Variants in PLPP6 observed in about 807,000 individuals in gnomAD.
The protein encoded by PLPP6 is phospholipid phosphatase 6, also known as polyisoprenoid diphosphate/phosphate phosphohydrolase PLPP6.
Under a neutral mutation model 16.5 loss-of-function variants are expected in PLPP6, and 16 were observed. The observed-to-expected ratio is 0.97, with a 90% CI of 0.66 to 1.47. The LOEUF is 1.47. Ranked by LOEUF, PLPP6 falls within the 40% of genes most tolerant of loss-of-function variation. The probability of loss-of-function intolerance (pLI) is 0.00; values close to 1 mark genes in which losing one functional copy is unlikely to be tolerated. For missense variants in PLPP6, 512 were observed against 396.6 expected, an observed-to-expected ratio of 1.29 and a Z score of -2.47; for synonymous variants, 226 against 188.1, an observed-to-expected ratio of 1.20 and a Z score of -1.65.
rs777546834 is a variant in PLPP6 at position 4,662,344 on chromosome 9, G to T, written c.-32G>T. On this transcript the variant is annotated 5_prime_UTR_variant, in exon 1 of 1. Transcript: ENST00000381883. This position sits in a 1 kb window ranked among gnomAD's most constrained non-coding sequence, Gnocchi z 4.9. ...GGCCGGGAAGCCTCTGTTTGGTCCG[G>T]CCAGGTCCCGGGATCCGGGCCGCCA... is the stretch of plus-strand genomic sequence containing the variant. 9.5e-6 allele frequency: 14 copies of T among 1,477,686 alleles called. No homozygotes were observed. In the African/African-American group the frequency reaches 1.8e-4, roughly 19 times the overall value. 91.5% of individuals were successfully genotyped at this position (1,477,686 alleles called of 1,614,324 possible). A position where few individuals can be genotyped will look rare whatever the true frequency, so the allele number is the denominator to read the frequency against.
rs988615163 is a variant in PLPP6 at position 4,663,346 on chromosome 9, T to C, written c.*83T>C. ...CAACCTAAACCAGCAGCCATCCCGC[T>C]TGTCCCTCTTAGGCATTTCAGGCTT... On this transcript the variant is annotated 3_prime_UTR_variant, in exon 1 of 1. Transcript: ENST00000381883. 5 of 1,421,792 alleles carry C rather than the reference T, an allele frequency of 3.5e-6. No homozygotes were observed. The highest frequency in any genetic ancestry group is 4.9e-6 in the Non-Finnish European group (5 of 1,030,720). 88.1% of individuals were successfully genotyped at this position (1,421,792 alleles called of 1,614,324 possible).
In PLPP6 at chr9:4,663,987, C is replaced by G. The variant is rs1056762572; in HGVS notation, c.*724C>G. The G allele has an allele frequency of 6.0e-6, 1 of 167,070 alleles. No homozygotes were observed. Among genetic ancestry groups the G allele is most frequent in the Non-Finnish European group, 1.5e-5 (1 of 68,116 alleles). The allele number at this position is 167,070 out of a possible 1,614,324, so 10.3% of individuals were successfully genotyped here. On this transcript the variant is annotated 3_prime_UTR_variant, in exon 1 of 1. Coordinates refer to ENST00000381883, the MANE Select transcript of PLPP6 (RefSeq NM_203453.5). ...CCACTACTCCCTTACTGTCTTTTAG[C>G]ATTCAGAGAAAAAGCCAACTTGCTT... is the stretch of plus-strand genomic sequence containing the variant.
chr9:4,664,507 G>A lies in PLPP6; in HGVS notation c.*1244G>A, dbSNP rs1441899462. 6.0e-6 allele frequency: 1 copy of A among 167,092 alleles called. No homozygotes were observed. Among genetic ancestry groups the A allele is most frequent in the East Asian group, 1.9e-4 (1 of 5,192 alleles). The allele number at this position is 167,092 out of a possible 1,614,324, so 10.4% of individuals were successfully genotyped here. ...TTTACATTTAAAGCTGTTCATCCATGGTGCCTCCCCAAATCATAAGACCAA... is the reference window on the plus strand; with the variant it reads ...TTTACATTTAAAGCTGTTCATCCATAGTGCCTCCCCAAATCATAAGACCAA... On this transcript the variant is annotated 3_prime_UTR_variant, in exon 1 of 1. Coordinates refer to ENST00000381883, the MANE Select transcript of PLPP6 (RefSeq NM_203453.5).
Position 4,664,810 on chromosome 9 carries a change from A to G in PLPP6, c.*1547A>G, listed in dbSNP as rs1587591444. 6.0e-6 allele frequency: 1 copy of G among 167,250 alleles called. No homozygotes were observed. The highest frequency in any genetic ancestry group is 3.4e-3 in the Middle Eastern group (1 of 296). The allele number at this position is 167,250 out of a possible 1,614,324, so 10.4% of individuals were successfully genotyped here. Reference sequence around the variant, plus strand: ...TGAGCTTGTTCAGAGTGAGGGGCATAGTGAAAAAGGAACAGCCATGCCTCA... The same window carrying G: ...TGAGCTTGTTCAGAGTGAGGGGCATGGTGAAAAAGGAACAGCCATGCCTCA... On this transcript the variant is annotated 3_prime_UTR_variant, in exon 1 of 1. Transcript: ENST00000381883.
rs751215578 is a variant in PLPP6 at position 4,663,270 on chromosome 9, C to G, written c.*7C>G. 6.2e-6 allele frequency: 10 copies of G among 1,608,390 alleles called. No homozygotes were observed. The highest frequency in any genetic ancestry group is 2.7e-5 in the African/African-American group (2 of 74,794). ...ACTGTGGAGTCAACGATGACACCAT[C>G]TCATTGATTATGGCACCAGGAAGTC... On this transcript the variant is annotated 3_prime_UTR_variant, in exon 1 of 1. Transcript: ENST00000381883.
Position 4,663,339 on chromosome 9 carries a change from A to G in PLPP6, c.*76A>G. Reference sequence around the variant, plus strand: ...ATGATGTCAACCTAAACCAGCAGCCATCCCGCTTGTCCCTCTTAGGCATTT... The same window carrying G: ...ATGATGTCAACCTAAACCAGCAGCCGTCCCGCTTGTCCCTCTTAGGCATTT... On this transcript the variant is annotated 3_prime_UTR_variant, in exon 1 of 1. Transcript: ENST00000381883. 6.8e-7 allele frequency: 1 copy of G among 1,464,342 alleles called. No homozygotes were observed. The highest frequency in any genetic ancestry group is 9.4e-7 in the Non-Finnish European group (1 of 1,066,816). The allele number at this position is 1,464,342 out of a possible 1,614,324, so 90.7% of individuals were successfully genotyped here.
In PLPP6 at chr9:4,663,358, G is replaced by A; in HGVS notation, c.*95G>A. The A allele has an allele frequency of 7.8e-7, 1 of 1,289,926 alleles. No individual in the cohort carries two copies. The highest frequency in any genetic ancestry group is 1.1e-6 in the Non-Finnish European group (1 of 919,324). The allele number at this position is 1,289,926 out of a possible 1,614,324, so 79.9% of individuals were successfully genotyped here. A position where few individuals can be genotyped will look rare whatever the true frequency, so the allele number is the denominator to read the frequency against. ...GCAGCCATCCCGCTTGTCCCTCTTA[G>A]GCATTTCAGGCTTCCTTTGGGATTT... On this transcript the variant is annotated 3_prime_UTR_variant, in exon 1 of 1. Transcript: ENST00000381883.
At position 4,662,513 on chromosome 9, in the gene PLPP6, C is replaced by T; in HGVS notation, c.138C>T (p.Ser46=). Residue 46 remains serine (S), a synonymous_variant, in exon 1 of 1, where the codon AGC becomes AGT. Coordinates refer to ENST00000381883, the MANE Select transcript of PLPP6 (RefSeq NM_203453.5). The surrounding 1 kb of genome is among the most constrained non-coding windows in gnomAD (Gnocchi z 4.9). Reference sequence around the variant, plus strand: ...TTGAGTTCCAGTCCCTGCTCAGCAGCCGCGCCACGGCCGTGGACCCCACCT... The same window carrying T: ...TTGAGTTCCAGTCCCTGCTCAGCAGTCGCGCCACGGCCGTGGACCCCACCT... ...SRFEFQSLLS[S]RATAVDPTCA... The T allele has an allele frequency of 6.4e-7, 1 of 1,560,322 alleles. No homozygotes were observed. Among genetic ancestry groups the T allele is most frequent in the East Asian group, 2.3e-5 (1 of 43,374 alleles).
rs769784405 is a variant in PLPP6 at position 4,662,360 on chromosome 9, C to T, written c.-16C>T. ...TTTGGTCCGGCCAGGTCCCGGGATC[C>T]GGGCCGCCAGCTGCGATGCCAAGTC... On this transcript the variant is annotated 5_prime_UTR_variant, in exon 1 of 1. Transcript: ENST00000381883. This position sits in a 1 kb window ranked among gnomAD's most constrained non-coding sequence, Gnocchi z 4.9. 2 of 1,490,862 alleles carry T rather than the reference C, an allele frequency of 1.3e-6. No homozygotes were observed. Among genetic ancestry groups the T allele is most frequent in the South Asian group, 1.3e-5 (1 of 76,426 alleles). The allele number at this position is 1,490,862 out of a possible 1,614,324, so 92.4% of individuals were successfully genotyped here.
chr9:4,662,854 G>A lies in PLPP6; in HGVS notation c.479G>A (p.Trp160Ter), dbSNP rs1428161092. 6.9e-6 allele frequency: 11 copies of A among 1,605,334 alleles called. No individual in the cohort carries two copies. Among genetic ancestry groups the A allele is most frequent in the Non-Finnish European group, 8.5e-6 (10 of 1,179,952 alleles). Residue 160 changes from tryptophan (W) to a stop codon, truncating the protein, a stop_gained, in exon 1 of 1, where the codon TGG becomes TAG. Coordinates refer to ENST00000381883, the MANE Select transcript of PLPP6 (RefSeq NM_203453.5). LOFTEE classifies it high-confidence loss of function. The surrounding 1 kb of genome is among the most constrained non-coding windows in gnomAD (Gnocchi z 4.9). ...TLYCLCRSDS[W>*]AGREVLMNLL... ...TACTGCCTGTGCAGGAGCGACAGCT[G>A]GGCCGGGCGCGAGGTGCTGATGAAC...
rs762053836 is a variant in PLPP6 at position 4,663,056 on chromosome 9, C to T, written c.681C>T (p.Asn227=). 7 of 1,613,988 alleles carry T rather than the reference C, an allele frequency of 4.3e-6. No homozygotes were observed. ...RAALMSRFIL[N]HLVLAIPLRV... Reference sequence around the variant, plus strand: ...CCCTGATGTCGAGGTTCATCCTGAACCACCTGGTGCTGGCCATTCCACTGA... The same window carrying T: ...CCCTGATGTCGAGGTTCATCCTGAATCACCTGGTGCTGGCCATTCCACTGA... Residue 227 remains asparagine (N), a synonymous_variant, in exon 1 of 1, where the codon AAC becomes AAT. Coordinates refer to ENST00000381883, the MANE Select transcript of PLPP6 (RefSeq NM_203453.5).
In PLPP6 at chr9:4,663,182, C is replaced by CA; in HGVS notation, c.808dup (p.Met270AsnfsTer15). ...TAGCTTTTGGCTTTTTTCTGGGCTA[C>CA]ATGCAGTACAGCATCGTGGACTATT... On this transcript the variant is annotated frameshift_variant, in exon 1 of 1. Coordinates refer to ENST00000381883, the MANE Select transcript of PLPP6 (RefSeq NM_203453.5). LOFTEE classifies it high-confidence loss of function. 6.2e-7 allele frequency: 1 copy of CA among 1,614,160 alleles called. No individual in the cohort carries two copies.
In PLPP6 at chr9:4,664,856, C is replaced by T. The variant is rs1166444415; in HGVS notation, c.*1593C>T. ...CCTCAAAATCAAATCATTTGCATTC[C>T]CACAGCATCCTGAATACCGACTACC... On this transcript the variant is annotated 3_prime_UTR_variant, in exon 1 of 1. Transcript: ENST00000381883. 1 of 167,082 alleles carries T rather than the reference C, an allele frequency of 6.0e-6. No individual in the cohort carries two copies. Among genetic ancestry groups the T allele is most frequent in the Non-Finnish European group, 1.5e-5 (1 of 68,120 alleles). 10.3% of individuals were successfully genotyped at this position (167,082 alleles called of 1,614,324 possible). A position where few individuals can be genotyped will look rare whatever the true frequency, so the allele number is the denominator to read the frequency against.
At position 4,662,739 on chromosome 9, in the gene PLPP6, G is replaced by A; in HGVS notation, c.364G>A (p.Gly122Arg). 1 of 1,603,320 alleles carries A rather than the reference G, an allele frequency of 6.2e-7. No homozygotes were observed. The highest frequency in any genetic ancestry group is 1.1e-5 in the South Asian group (1 of 91,084). The stretch of plus-strand genomic sequence containing the variant: ...GTCCAAGAAGCTGGGGGTGTGCGCG[G>A]GAGAGAGCTCGTCGTGGGGCAGCGT... The part of the protein sequence containing the change: ...WLSKKLGVCA[G>R]ESSSWGSVRP... The change falls in exon 1 of 1, where the codon GGA (glycine) becomes AGA (arginine). Residue 122 changes from glycine to arginine, a missense_variant. Physicochemically the swap from Gly to Arg is moderately radical, Grantham distance 125. Transcript: ENST00000381883. This position sits in a 1 kb window ranked among gnomAD's most constrained non-coding sequence, Gnocchi z 4.9.
At position 4,662,947 on chromosome 9, in the gene PLPP6, G is replaced by A. The variant is rs928009523; in HGVS notation, c.572G>A (p.Arg191His). 1.2e-6 allele frequency: 2 copies of A among 1,611,788 alleles called. No homozygotes were observed. The highest frequency in any genetic ancestry group is 1.7e-6 in the Non-Finnish European group (2 of 1,179,894). ...ALIKGLVRRR[R>H]PAHNQMDMFV... ...ATCAAAGGGCTGGTCCGCAGGCGCC[G>A]CCCGGCCCACAACCAGATGGACATG... The change falls in exon 1 of 1, where the codon CGC becomes CAC. Residue 191 changes from arginine to histidine, a missense_variant. By Grantham distance (29) the Arg-to-His change is conservative. Coordinates refer to ENST00000381883, the MANE Select transcript of PLPP6 (RefSeq NM_203453.5). The surrounding 1 kb of genome is among the most constrained non-coding windows in gnomAD (Gnocchi z 4.9).
Position 4,662,395 on chromosome 9 carries a change from G to C in PLPP6, c.20G>C (p.Ser7Thr). 6.5e-7 allele frequency: 1 copy of C among 1,534,348 alleles called. No homozygotes were observed. Among genetic ancestry groups the C allele is most frequent in the Non-Finnish European group, 8.7e-7 (1 of 1,148,078 alleles). The stretch of plus-strand genomic sequence containing the variant: ...GCTGCGATGCCAAGTCCCCGGAGGA[G>C]CATGGAGGGACGGCCGCTGGGCGTC... MPSPRR[S>T]MEGRPLGVSA... Residue 7 changes from serine (S) to threonine (T), a missense_variant, in exon 1 of 1, where the codon AGC (serine) becomes ACC (threonine). Physicochemically the swap from Ser to Thr is moderately conservative, Grantham distance 58. Coordinates refer to ENST00000381883, the MANE Select transcript of PLPP6 (RefSeq NM_203453.5). This position sits in a 1 kb window ranked among gnomAD's most constrained non-coding sequence, Gnocchi z 4.9.
At position 4,663,213 on chromosome 9, in the gene PLPP6, C is replaced by G. The variant is rs1840287337; in HGVS notation, c.838C>G (p.Leu280Val). The G allele has an allele frequency of 1.2e-6, 2 of 1,614,104 alleles. No individual in the cohort carries two copies. Among genetic ancestry groups the G allele is most frequent in the Non-Finnish European group, 1.7e-6 (2 of 1,180,022 alleles). Residue 280 changes from leucine (L) to valine (V), a missense_variant, in exon 1 of 1, where the codon CTC becomes GTC. Transcript: ENST00000381883. ...GTACAGCATCGTGGACTATTGCTGGCTCTCACCCCATAATGCTCCGGTCCT... is the reference window on the plus strand; with the variant it reads ...GTACAGCATCGTGGACTATTGCTGGGTCTCACCCCATAATGCTCCGGTCCT... The part of the protein sequence containing the change: ...MQYSIVDYCW[L>V]SPHNAPVLFL...
rs1352020387 is a variant in PLPP6 at position 4,662,461 on chromosome 9, A to ATGGCGGCGG, written c.96_104dup (p.Gly33_Gly35dup). 1.3e-6 allele frequency: 2 copies of ATGGCGGCGG among 1,547,548 alleles called. No homozygotes were observed. Among genetic ancestry groups the ATGGCGGCGG allele is most frequent in the Admixed American group, 1.9e-5 (1 of 52,350 alleles). On this transcript the variant is annotated inframe_insertion, in exon 1 of 1. Transcript: ENST00000381883. This position sits in a 1 kb window ranked among gnomAD's most constrained non-coding sequence, Gnocchi z 4.9. Reference sequence around the variant, plus strand: ...AGCAGCAGCCCCGGCAGCCCAGCCCATGGCGGCGGTGGCGGCGGCAGCAGG... The same window carrying ATGGCGGCGG: ...AGCAGCAGCCCCGGCAGCCCAGCCCATGGCGGCGGTGGCGGCGGTGGCGGCGGCAGCAGG...
chr9:4,662,599 C>A lies in PLPP6; in HGVS notation c.224C>A (p.Ala75Glu). ...CGCCGCGGCTCCTTCCCCCTGGCCG[C>A]GGCGGGCCCCTCGCAGTCGCCCGCG... ...VHRRGSFPLAAAGPSQSPAPP... is the reference protein window; with the variant it reads ...VHRRGSFPLAEAGPSQSPAPP... The change falls in exon 1 of 1, where the codon GCG becomes GAG. Residue 75 changes from alanine (A) to glutamate (E), a missense_variant. Coordinates refer to ENST00000381883, the MANE Select transcript of PLPP6 (RefSeq NM_203453.5). The surrounding 1 kb of genome is among the most constrained non-coding windows in gnomAD (Gnocchi z 4.9). The A allele has an allele frequency of 6.3e-7, 1 of 1,590,492 alleles. No homozygotes were observed. Among genetic ancestry groups the A allele is most frequent in the East Asian group, 2.3e-5 (1 of 44,380 alleles).
Sources: gnomAD v4.1 joint callset for allele counts on GRCh38, gnomAD v4.1.1 for gene constraint, Gnocchi (gnomAD v3.1) non-coding constraint, MANE v1.5 for transcripts, NCBI Gene and HGNC (gene_info 2026-07-23, HGNC 2026-07-21) for gene names.